Variants in KCNT1 observed in about 807,000 individuals in gnomAD.
KCNT1 encodes potassium sodium-activated channel subfamily T member 1.
KCNT1 carries 78 observed loss-of-function variants against 147.8 expected under a neutral mutation model. That is an observed-to-expected ratio of 0.53 (90% confidence interval 0.44 to 0.64). The LOEUF (loss-of-function observed/expected upper bound fraction) is 0.64, where lower values mean the gene tolerates loss of function less well. KCNT1 is among the 30% of genes least tolerant of loss of function. KCNT1 has a pLI of 0.00. For missense variants in KCNT1, 1,419 were observed against 1,750.3 expected (o/e 0.81, Z 3.38); for synonymous variants, 867 against 748.8 (o/e 1.16, Z -2.58).
At chr9:135,747,178 G>A (rs565954483) in intron 2 of KCNT1, among the ~76,000 whole-genome samples, 211 of 152,232 alleles carry the variant, frequency 1.4e-3, no homozygotes, top group African/African-American at 4.1e-3. Flanking sequence ...CGGGGAGGCC[G>A]TGCTGAGAGG....
chr9:135,731,745 G>A (rs1310270986), intron 2 of KCNT1, among the ~76,000 whole-genome samples: 1 of 151,544 alleles, frequency 6.6e-6, no homozygotes, highest in African/African-American at 2.4e-5. Flanking sequence ...TTAGTTCACT[G>A]CAGAAAATCT....
chr9:135,765,186 C>T lies in KCNT1; in HGVS notation c.1191C>T (p.Pro397=). The T allele has an allele frequency of 1.2e-6, 2 of 1,611,498 alleles. No homozygotes were observed. Among genetic ancestry groups the T allele is most frequent in the East Asian group, 2.2e-5 (1 of 44,816 alleles). ...TCCTGAACGAGTTCTACGCCCACCC[C>T]CGGCTCCAGGTGAGGCCCCTTACCG... The part of the protein sequence containing the change: ...MDFLNEFYAH[P]RLQDYYVVIL... Residue 397 remains proline (P), a synonymous_variant, in exon 12 of 31, where the codon CCC becomes CCT. Transcript: ENST00000371757.
At chr9:135,759,886 G>C in intron 11 of KCNT1, 27 bp downstream of exon 11, 1 of 1,571,314 alleles carries the variant, frequency 6.4e-7, no homozygotes, top group Non-Finnish European at 8.6e-7. Flanking sequence ...CCAGCCCTGG[G>C]TGGCACCAGC....
chr9:135,767,312 G>A (rs1832353341), intron 13 of KCNT1, among the ~76,000 whole-genome samples: 1 of 152,208 alleles, frequency 6.6e-6, no homozygotes, highest in Non-Finnish European at 1.5e-5. Context: ...GCCAGGCAGG[G>A]ATGAGCCCAG....
intron 13 of KCNT1, among the ~76,000 whole-genome samples, chr9:135,768,087 T>G (rs551276516): frequency 7.7e-5 from 11 of 142,254 alleles, no homozygotes; most frequent in Non-Finnish European, 1.2e-4. Flanking sequence ...GCCCCCACCC[T>G]CTGTCAGCCT....
At chr9:135,723,175 A>G (rs991192874) in intron 2 of KCNT1, among the ~76,000 whole-genome samples, 3 of 152,318 alleles carry the variant, frequency 2.0e-5, no homozygotes, top group African/African-American at 7.2e-5. Flanking sequence ...GTGAACTTGC[A>G]GAGTGCAGGA....
intron 1 of KCNT1, among the ~76,000 whole-genome samples, chr9:135,705,149 G>C (rs1226877314): frequency 6.6e-6 from 1 of 152,232 alleles, no homozygotes; most frequent in Non-Finnish European, 1.5e-5. Context: ...GGCAGTAGTG[G>C]GGCCTTGCTG....
rs763143558 is a variant in KCNT1, at chr9:135,784,500, TCC to T, written c.2944-33_2944-32del. The T allele has an allele frequency of 2.6e-4, 41 of 156,216 alleles. 1 individual carries two copies. Among genetic ancestry groups the T allele is most frequent in the Non-Finnish European group, 4.5e-4 (38 of 83,684 alleles). 9.7% of individuals were successfully genotyped at this position (156,216 alleles called of 1,614,324 possible). On this transcript the variant is annotated intron_variant, in intron 25 of 30. Transcript: ENST00000371757. Reference sequence around the variant, plus strand: ...CACTGTGGCTCCCTCCCTCCCTCCCTCCCTCCCTCCCTCCCTCCCTCCCTCCC... The same window carrying T: ...CACTGTGGCTCCCTCCCTCCCTCCCTCTCCCTCCCTCCCTCCCTCCCTCCC...
At chr9:135,748,146 C>A (rs1830945738) in intron 2 of KCNT1, among the ~76,000 whole-genome samples, 1 of 152,166 alleles carries the variant, frequency 6.6e-6, no homozygotes, top group Admixed American at 6.5e-5. Context: ...GTTGTCTAGG[C>A]TGGTCTCAAA....
intron 2 of KCNT1, among the ~76,000 whole-genome samples, chr9:135,738,606 G>A (rs759872864): frequency 9.2e-5 from 14 of 152,164 alleles, no homozygotes; most frequent in African/African-American, 1.7e-4. Context: ...GACTCTGCCC[G>A]TCTCATTGTT....
At chr9:135,763,451 G>T (rs1373864621) in intron 11 of KCNT1, among the ~76,000 whole-genome samples, 5 of 152,222 alleles carry the variant, frequency 3.3e-5, no homozygotes, top group Non-Finnish European at 7.3e-5. Context: ...CGATCAGCAA[G>T]ACAGACAGGC....
At chr9:135,731,976 A>G (rs1836464628) in intron 2 of KCNT1, among the ~76,000 whole-genome samples, 1 of 42,162 alleles carries the variant, frequency 2.4e-5, no homozygotes, top group Non-Finnish European at 4.9e-5. Context: ...ATATATATAT[A>G]TATATATATA....
intron 2 of KCNT1, among the ~76,000 whole-genome samples, chr9:135,723,859 C>G (rs74442952): frequency 2.0e-3 from 311 of 152,334 alleles, no homozygotes; most frequent in African/African-American, 6.9e-3. Context: ...ACCTCATGTC[C>G]TTGAACACCC....
chr9:135,784,656 G>A, intron 26 of KCNT1, 38 bp downstream of exon 26: 2 of 1,610,976 alleles, frequency 1.2e-6, no homozygotes, highest in Non-Finnish European at 8.5e-7. Flanking sequence ...GGGGCGTGCT[G>A]GGCTGTCCAA....
chr9:135,751,983 C>T (rs772915625), intron 4 of KCNT1: 33 of 200,586 alleles, frequency 1.6e-4, no homozygotes, highest in Admixed American at 1.4e-3. Flanking sequence ...TCCTGTTTTA[C>T]GCTTTCCCCA....
At chr9:135,705,189 TG>T (rs1289605995) in intron 1 of KCNT1, among the ~76,000 whole-genome samples, 4 of 152,156 alleles carry the variant, frequency 2.6e-5, no homozygotes, top group Non-Finnish European at 5.9e-5. Context: ...CGGAGGGTGT[TG>T]GGGGGCATCT....
intron 2 of KCNT1, among the ~76,000 whole-genome samples, chr9:135,748,072 G>C (rs1481285513): frequency 1.3e-5 from 2 of 152,210 alleles, no homozygotes; most frequent in East Asian, 3.9e-4. Context: ...CTCCCCAGAA[G>C]CTGGGACTAC....
chr9:135,731,019 G>T (rs1436023744), intron 2 of KCNT1, among the ~76,000 whole-genome samples: 2 of 133,810 alleles, frequency 1.5e-5, no homozygotes, highest in African/African-American at 2.7e-5. Flanking sequence ...AAAAAGTGTG[G>T]TTTAGCAATT....
At chr9:135,741,604 C>T (rs957129462) in intron 2 of KCNT1, among the ~76,000 whole-genome samples, 6 of 152,282 alleles carry the variant, frequency 3.9e-5, no homozygotes, top group African/African-American at 1.4e-4. Flanking sequence ...GCCAGGACCT[C>T]GGCCCTCCCA....
Sources: gnomAD v4.1 joint callset for allele counts (sites outside exome capture counted in the v4.1 genomes callset) on GRCh38, gnomAD v4.1.1 for gene constraint, MANE v1.5 for transcripts, NCBI Gene and HGNC (gene_info 2026-07-23, HGNC 2026-07-21) for gene names.